The following DLGAP2 variants were observed in gnomAD, a reference collection of about 807,000 sequenced individuals.
The protein encoded by DLGAP2 is disks large-associated protein 2.
A neutral mutation model predicts 100.3 loss-of-function variants in DLGAP2; 26 were observed. The observed-to-expected ratio is 0.26, with a 90% CI of 0.19 to 0.36. DLGAP2 has a LOEUF of 0.36. Among genes scored for constraint, DLGAP2 ranks in the 10% least tolerant of loss-of-function variants. The pLI is 1.00. For synonymous variants in DLGAP2, 886 were observed against 630.1 expected, an observed-to-expected ratio of 1.41 and a Z score of -6.08; for missense variants, 1,858 against 1,453.2, an observed-to-expected ratio of 1.28 and a Z score of -4.53.
intron 2 of DLGAP2, among the ~76,000 whole-genome samples, chr8:1,248,142 A>C (rs139184767): frequency 1.8e-3 from 3 of 1,650 alleles, no homozygotes; most frequent in Non-Finnish European, 2.6e-3. Context: ...CTGGGAAGAC[A>C]TTTGAGATCA....
chr8:1,363,647 C>T (rs950861867), intron 3 of DLGAP2, among the ~76,000 whole-genome samples: 2 of 152,198 alleles, frequency 1.3e-5, no homozygotes, highest in East Asian at 3.9e-4. Context: ...GTCTTCTGGC[C>T]CTCTTGACCT....
chr8:1,157,031 C>G (rs550418879), intron 2 of DLGAP2, among the ~76,000 whole-genome samples: 57 of 152,152 alleles, frequency 3.7e-4, no homozygotes, highest in African/African-American at 1.3e-3. Context: ...GCCCCAGGCT[C>G]TCAGTGGTAC....
At position 893,621 on chromosome 8, in the gene DLGAP2, GTCTT is replaced by G. The variant is rs374322928; in HGVS notation, c.19-14287_19-14284del. On this transcript the variant is annotated intron_variant, in intron 1 of 14. Transcript: ENST00000637795. The stretch of plus-strand genomic sequence containing the variant: ...CCTCAGCCCGGAAGCTGTCAGGAGG[GTCTT>G]TCTGCAGTGAGGGAAGTCCGTTAGG... Among the ~76,000 whole-genome samples the G allele has an allele frequency of 1.1e-4, 17 of 152,338 alleles. No individual in the cohort carries two copies. In the South Asian group the frequency reaches 3.5e-3, roughly 32 times the overall value.
At chr8:1,173,879 C>T (rs879866992) in intron 2 of DLGAP2, among the ~76,000 whole-genome samples, 15 of 152,340 alleles carry the variant, frequency 9.8e-5, no homozygotes, top group Middle Eastern at 3.4e-3. Context: ...GCACGGTGCA[C>T]GCACCCACTG....
intron 8 of DLGAP2, among the ~76,000 whole-genome samples, chr8:1,660,184 G>A (rs1402011933): frequency 1.3e-5 from 2 of 152,156 alleles, no homozygotes; most frequent in African/African-American, 4.8e-5. Flanking sequence ...CTCTCTTCTG[G>A]CTTGTAGGAT....
chr8:1,168,540 C>G (rs1260215040), intron 2 of DLGAP2, among the ~76,000 whole-genome samples: 1 of 147,030 alleles, frequency 6.8e-6, no homozygotes, highest in Non-Finnish European at 1.5e-5. Context: ...TCTCCAGCAC[C>G]TGTTGTTTCC....
chr8:1,272,598 C>G (rs1799605569), intron 3 of DLGAP2, among the ~76,000 whole-genome samples: 1 of 152,052 alleles, frequency 6.6e-6, no homozygotes, highest in Non-Finnish European at 1.5e-5. Context: ...CATGCCAAAG[C>G]AATGCAAATG....
In DLGAP2 at chr8:1,529,148, T is replaced by A. The variant is rs556795312; in HGVS notation, c.173-19478T>A. ...CATGGCTGGTGAGGCCTCAGGAAAC[T>A]TACAATCGTGGCGGAAGGTGAAGGG... On this transcript the variant is annotated intron_variant, in intron 4 of 14. Transcript: ENST00000637795. 7.9e-5 allele frequency among the ~76,000 whole-genome samples: 12 copies of A among 152,288 alleles called. No homozygotes were observed. In the East Asian group the frequency reaches 2.3e-3, roughly 29 times the overall value.
At chr8:1,229,944 C>A (rs964739179) in intron 2 of DLGAP2, among the ~76,000 whole-genome samples, 5 of 152,120 alleles carry the variant, frequency 3.3e-5, no homozygotes, top group Admixed American at 6.5e-5. Context: ...GGAAGCATTC[C>A]CCTTGAGAAC....
chr8:1,627,356 G>C (rs188976432), intron 7 of DLGAP2, among the ~76,000 whole-genome samples: 2 of 152,126 alleles, frequency 1.3e-5, no homozygotes, highest in Non-Finnish European at 2.9e-5. Context: ...GACTGATTTC[G>C]GGACAGGCAC....
chr8:969,290 G>T (rs1799956561), intron 2 of DLGAP2, among the ~76,000 whole-genome samples: 1 of 152,132 alleles, frequency 6.6e-6, no homozygotes, highest in African/African-American at 2.4e-5. Flanking sequence ...TTCACAGTTG[G>T]CTCCCTGGGC....
intron 2 of DLGAP2, among the ~76,000 whole-genome samples, chr8:1,108,941 T>C (rs1804866933): frequency 7.3e-6 from 1 of 137,216 alleles, no homozygotes; most frequent in Admixed American, 7.3e-5. Flanking sequence ...TGTGCATAGG[T>C]CTGTGACGTG....
intron 2 of DLGAP2, among the ~76,000 whole-genome samples, chr8:1,204,533 A>G (rs548199452): frequency 6.6e-6 from 1 of 152,208 alleles, no homozygotes; most frequent in African/African-American, 2.4e-5. Context: ...AACTGGACAA[A>G]GAACACTTGT....
intron 13 of DLGAP2, among the ~76,000 whole-genome samples, chr8:1,694,543 C>T (rs1218973559): frequency 6.6e-6 from 1 of 152,170 alleles, no homozygotes; most frequent in Admixed American, 6.5e-5. Flanking sequence ...ATAACTTAAC[C>T]TCAAAGCGTG....
rs576169653 is a variant in DLGAP2, at chr8:1,644,269, G to A, written c.1810+11223G>A. ...AAAAAGGCAGCCTGACCCTAAGCCCGCCCGACCAAGAGCCTCGTCTCGGCT... is the reference window on the plus strand; with the variant it reads ...AAAAAGGCAGCCTGACCCTAAGCCCACCCGACCAAGAGCCTCGTCTCGGCT... On this transcript the variant is annotated intron_variant, in intron 8 of 14. Transcript: ENST00000637795. Among the ~76,000 whole-genome samples the A allele has an allele frequency of 1.4e-3, 219 of 152,268 alleles. 1 individual carries two copies. The highest frequency in any genetic ancestry group is 2.3e-3 in the African/African-American group (97 of 41,552).
At chr8:1,455,649 C>G (rs894030968) in intron 3 of DLGAP2, among the ~76,000 whole-genome samples, 1 of 152,244 alleles carries the variant, frequency 6.6e-6, no homozygotes, top group Non-Finnish European at 1.5e-5. Context: ...GGGCCAGTCC[C>G]ACTGCCAGGG....
intron 2 of DLGAP2, among the ~76,000 whole-genome samples, chr8:1,153,207 T>C (rs1796726527): frequency 6.6e-6 from 1 of 152,152 alleles, no homozygotes; most frequent in South Asian, 2.1e-4. Flanking sequence ...GAGTGGTTGG[T>C]TCCTCATGGT....
chr8:1,526,303 C>A (rs1333785469), intron 4 of DLGAP2, among the ~76,000 whole-genome samples: 2 of 151,978 alleles, frequency 1.3e-5, no homozygotes, highest in Non-Finnish European at 2.9e-5. Flanking sequence ...CCTGCGTTAA[C>A]CTTCCTACCT....
At chr8:1,444,328 A>G (rs774198834) in intron 3 of DLGAP2, among the ~76,000 whole-genome samples, 1 of 152,220 alleles carries the variant, frequency 6.6e-6, no homozygotes, top group Non-Finnish European at 1.5e-5. Context: ...CTTACACGGT[A>G]TTAGAGTTTT....
Sources: allele counts gnomAD v4.1 joint callset (sites outside exome capture counted in the v4.1 genomes callset), GRCh38; gene constraint gnomAD v4.1.1; transcripts MANE v1.5; gene names NCBI Gene and HGNC (gene_info 2026-07-23, HGNC 2026-07-21).